MYPN: variants seen among roughly 807,000 people sequenced by gnomAD.
The protein encoded by MYPN is sarcomeric protein myopalladin, 145 kDa (MYOP).
MYPN carries 63 observed loss-of-function variants against 129.4 expected under a neutral mutation model. The ratio of observed to expected loss-of-function variants is 0.49; its 90% confidence interval spans 0.40 to 0.60. MYPN has a LOEUF of 0.60. MYPN is among the 20% of genes least tolerant of loss of function. The probability of loss-of-function intolerance (pLI) is 0.00; values close to 1 mark genes in which losing one functional copy is unlikely to be tolerated. For missense variants in MYPN, 1,596 were observed against 1,635.4 expected, an observed-to-expected ratio of 0.98 and a Z score of 0.42; for synonymous variants, 629 against 600.9, an observed-to-expected ratio of 1.05 and a Z score of -0.68.
intron 4 of MYPN, among the ~76,000 whole-genome samples, chr10:68,147,228 C>CT (rs2134084222): frequency 6.6e-6 from 1 of 152,274 alleles, no homozygotes; most frequent in East Asian, 1.9e-4. Context: ...GATCTCAGCT[C>CT]ACTGCAACCT....
chr10:68,202,862 G>A (rs1012308026), intron 18 of MYPN, among the ~76,000 whole-genome samples: 3 of 152,122 alleles, frequency 2.0e-5, no homozygotes, highest in Non-Finnish European at 4.4e-5. Flanking sequence ...TATTGTGTGT[G>A]TTGGGATTGT....
At chr10:68,126,465 C>G (rs76703841) in intron 2 of MYPN, among the ~76,000 whole-genome samples, 3,444 of 152,112 alleles carry the variant, frequency 0.023, 202 homozygotes, top group East Asian at 0.2. Context: ...AATTAATCTG[C>G]AAGAATAAGT....
At chr10:68,189,150 G>A in intron 13 of MYPN, 24 bp downstream of exon 13, 1 of 1,563,368 alleles carries the variant, frequency 6.4e-7, no homozygotes, top group Admixed American at 1.7e-5. Context: ...CAAGCCAGTT[G>A]GCCACCTCAC....
Position 68,131,226 on chromosome 10 carries a change from C to T in MYPN, c.902+8886C>T, listed in dbSNP as rs1021915035. Among the ~76,000 whole-genome samples, 46 of 151,688 alleles carry T rather than the reference C, an allele frequency of 3.0e-4. 2 individuals are homozygous for T. On this transcript the variant is annotated intron_variant, in intron 2 of 19. Transcript: ENST00000358913. ...CAACATGGTGAAACCCCGTCTCTAC[C>T]AAAAATACAAAAATTAGCAGAGCAT...
intron 12 of MYPN, among the ~76,000 whole-genome samples, chr10:68,178,820 T>C (rs2043269257): frequency 6.6e-6 from 1 of 151,924 alleles, no homozygotes; most frequent in African/African-American, 2.4e-5. Flanking sequence ...CCAGTAAATA[T>C]TTGTTGACTA....
At chr10:68,200,238 T>C (rs1254131103) in intron 17 of MYPN, among the ~76,000 whole-genome samples, 1 of 152,236 alleles carries the variant, frequency 6.6e-6, no homozygotes, top group East Asian at 1.9e-4. Flanking sequence ...TCTGTCTCTC[T>C]TCTGCATATC....
chr10:68,159,907 A>G (rs1477859534), intron 7 of MYPN, among the ~76,000 whole-genome samples: 1 of 152,204 alleles, frequency 6.6e-6, no homozygotes, highest in African/African-American at 2.4e-5. Context: ...TGAAATATAT[A>G]TACATTGTGG....
intron 7 of MYPN, among the ~76,000 whole-genome samples, chr10:68,159,431 G>A (rs1046514333): frequency 2.0e-5 from 3 of 152,068 alleles, no homozygotes; most frequent in Admixed American, 6.6e-5. Flanking sequence ...TTTAATCTGC[G>A]CTTCACTAAT....
intron 2 of MYPN, among the ~76,000 whole-genome samples, chr10:68,129,927 AT>A (rs2042383661): frequency 6.6e-6 from 1 of 152,076 alleles, no homozygotes; most frequent in South Asian, 2.1e-4. Flanking sequence ...TGGATTACAT[AT>A]TTTTGGATTT....
rs564270189 is a variant in MYPN, at chr10:68,172,260, C to G, written c.1974-1806C>G. ...GTCCCAGCTACTTGGGAGGCTAAGG[C>G]AGGAGGATCACTTGAACTCAGGAGG... On this transcript the variant is annotated intron_variant, in intron 10 of 19. Coordinates refer to ENST00000358913, the MANE Select transcript of MYPN (RefSeq NM_032578.4). Among the ~76,000 whole-genome samples, 144 of 152,248 alleles carry G rather than the reference C, an allele frequency of 9.5e-4. 1 individual carries two copies. The highest frequency in any genetic ancestry group is 1.7e-3 in the Non-Finnish European group (119 of 68,012).
intron 12 of MYPN, among the ~76,000 whole-genome samples, chr10:68,183,999 G>A (rs2043380986): frequency 6.6e-6 from 1 of 152,152 alleles, no homozygotes; most frequent in African/African-American, 2.4e-5. Flanking sequence ...TCCAGCCTGG[G>A]TGACAGAGTG....
chr10:68,196,798 CCTCCTCCTCCTCCTT>C (rs895321834), intron 15 of MYPN, among the ~76,000 whole-genome samples: 4 of 151,708 alleles, frequency 2.6e-5, no homozygotes, highest in South Asian at 2.1e-4. Context: ...TCTCCCTTTG[CCTCCTCCTCCTCCTT>C]CTCCTCCTCC....
chr10:68,182,250 CACACATATATATATAACATATATATA>C (rs2043326391), intron 12 of MYPN, among the ~76,000 whole-genome samples: 1 of 61,330 alleles, frequency 1.6e-5, no homozygotes, highest in East Asian at 9.6e-4. Context: ...ATATATATAA[CACACATATATATATAACATATATATA>C]ACACACATAT....
chr10:68,184,596 T>C (rs1467224681), intron 12 of MYPN, among the ~76,000 whole-genome samples: 1 of 152,154 alleles, frequency 6.6e-6, no homozygotes, highest in Non-Finnish European at 1.5e-5. Context: ...GCCCAGCTAA[T>C]TTTTGTATTT....
chr10:68,122,876 C>A (rs2042267436), intron 2 of MYPN, among the ~76,000 whole-genome samples: 1 of 150,932 alleles, frequency 6.6e-6, no homozygotes, highest in Non-Finnish European at 1.5e-5. Flanking sequence ...CTCTCCAGCC[C>A]GGGCAACAAG....
intron 2 of MYPN, 96 bp downstream of exon 2, chr10:68,122,436 A>G (rs2042260268): frequency 6.1e-6 from 8 of 1,308,606 alleles, no homozygotes; most frequent in South Asian, 2.4e-5. Flanking sequence ...TTACAAAATT[A>G]TATACTCCCT....
intron 1 of MYPN, among the ~76,000 whole-genome samples, chr10:68,113,458 G>A (rs1254687180): frequency 1.3e-5 from 2 of 152,136 alleles, no homozygotes; most frequent in African/African-American, 4.8e-5. Flanking sequence ...CACTTTGGGA[G>A]GCCAAGGTGG....
At chr10:68,138,861 G>A (rs892394255) in intron 2 of MYPN, among the ~76,000 whole-genome samples, 4 of 152,168 alleles carry the variant, frequency 2.6e-5, no homozygotes, top group South Asian at 4.1e-4. Context: ...AAGCCTGGTA[G>A]GGTAAAGTGA....
chr10:68,115,300 A>G (rs2042141596), intron 1 of MYPN, among the ~76,000 whole-genome samples: 1 of 151,400 alleles, frequency 6.6e-6, no homozygotes, highest in Non-Finnish European at 1.5e-5. Flanking sequence ...CACTCTGAAT[A>G]CTGCAGCTGA....
Sources: allele counts gnomAD v4.1 joint callset (sites outside exome capture counted in the v4.1 genomes callset), GRCh38; gene constraint gnomAD v4.1.1; transcripts MANE v1.5; gene names NCBI Gene and HGNC (gene_info 2026-07-23, HGNC 2026-07-21).